Variants in ARPP21 observed in about 807,000 individuals in gnomAD.
The protein encoded by ARPP21 is cAMP regulated phosphoprotein 21, also known as cAMP-regulated phosphoprotein 21.
ARPP21 carries 69 observed loss-of-function variants against 113.2 expected under a neutral mutation model. That is an observed-to-expected ratio of 0.61 (90% CI 0.50 to 0.74). ARPP21 has a LOEUF of 0.74. Among genes scored for constraint, ARPP21 ranks in the 30% least tolerant of loss-of-function variants. The probability of loss-of-function intolerance (pLI) is 0.00; values close to 1 mark genes in which losing one functional copy is unlikely to be tolerated. For missense variants in ARPP21, 1,070 were observed against 1,037.4 expected (o/e 1.03, Z -0.43); for synonymous variants, 368 against 375.5 (o/e 0.98, Z 0.23).
chr3:35,772,276 A>T (rs375571232), intron 19 of ARPP21, among the ~76,000 whole-genome samples: 3 of 152,228 alleles, frequency 2.0e-5, no homozygotes, highest in East Asian at 1.9e-4. Flanking sequence ...AGCTGAAAAA[A>T]ATTGTGTCAT....
chr3:35,764,744 A>G (rs1406967336), intron 19 of ARPP21, among the ~76,000 whole-genome samples: 4 of 152,164 alleles, frequency 2.6e-5, no homozygotes, highest in African/African-American at 7.2e-5. Flanking sequence ...GCATATATGT[A>G]TACATTTTGT....
intron 5 of ARPP21, chr3:35,684,813 G>A (rs1232600480): frequency 1.6e-5 from 16 of 983,118 alleles, no homozygotes; most frequent in Non-Finnish European, 1.9e-5. Flanking sequence ...TTTTTTTCTA[G>A]CATCATTTTC....
At position 35,748,067 on chromosome 3, in the gene ARPP21, G is replaced by GA. The variant is rs2095201528; in HGVS notation, c.2137+4104dup. Among the ~76,000 whole-genome samples, 8 of 86,958 alleles carry GA rather than the reference G, an allele frequency of 9.2e-5. No individual in the cohort carries two copies. In the East Asian group the frequency reaches 2.2e-3, roughly 24 times the overall value. 57.0% of individuals were successfully genotyped at this position (86,958 alleles called of 152,430 possible). On this transcript the variant is annotated intron_variant, in intron 19 of 20. Transcript: ENST00000684406. ...GAGAGAAAGAAAAGGAAGAAGGAAG[G>GA]AAGAAAGAAAGAAAGAAAGAAAGAA...
intron 14 of ARPP21, among the ~76,000 whole-genome samples, chr3:35,722,130 T>G (rs995962670): frequency 6.6e-6 from 1 of 152,218 alleles, no homozygotes; most frequent in African/African-American, 2.4e-5. Context: ...TTTAAGCACT[T>G]AAGTTTACTT....
intron 1 of ARPP21, among the ~76,000 whole-genome samples, chr3:35,668,185 G>A (rs1382801926): frequency 6.6e-6 from 1 of 152,086 alleles, no homozygotes; most frequent in Non-Finnish European, 1.5e-5. Context: ...TGGGGGAAGA[G>A]TATTCCTAAA....
chr3:35,669,988 G>A (rs1022784979), intron 1 of ARPP21, among the ~76,000 whole-genome samples: 1 of 152,086 alleles, frequency 6.6e-6, no homozygotes, highest in Admixed American at 6.6e-5. Flanking sequence ...CATCATCTGA[G>A]TTCAGATTGA....
intron 1 of ARPP21, among the ~76,000 whole-genome samples, chr3:35,646,394 A>G (rs1700230786): frequency 6.6e-6 from 1 of 152,118 alleles, no homozygotes; most frequent in Admixed American, 6.5e-5. Context: ...TGGAAATCCC[A>G]GCGTTGCTAG....
chr3:35,681,203 C>A (rs2078808500), intron 2 of ARPP21: 2 of 151,858 alleles, frequency 1.3e-5, no homozygotes, highest in Non-Finnish European at 2.9e-5. Context: ...CATATTTATG[C>A]TGAATTATTA....
intron 9 of ARPP21, among the ~76,000 whole-genome samples, chr3:35,694,019 T>C (rs1456064035): frequency 6.6e-6 from 1 of 151,618 alleles, no homozygotes; most frequent in Non-Finnish European, 1.5e-5. Context: ...ATTGTTCTTC[T>C]TCAGTGACAC....
intron 5 of ARPP21, chr3:35,685,618 C>A: frequency 1.0e-6 from 1 of 985,218 alleles, no homozygotes. Context: ...GGAAAACTGC[C>A]TTCATTTTCC....
intron 1 of ARPP21, among the ~76,000 whole-genome samples, chr3:35,642,706 G>A (rs1006156291): frequency 7.9e-5 from 12 of 152,096 alleles, no homozygotes; most frequent in South Asian, 2.1e-4. Context: ...GAAAGGTTTG[G>A]AGCTTGTAAA....
intron 1 of ARPP21, among the ~76,000 whole-genome samples, chr3:35,643,091 G>A (rs1305487895): frequency 6.6e-6 from 1 of 152,046 alleles, no homozygotes; most frequent in Non-Finnish European, 1.5e-5. Flanking sequence ...TCTTGAGGTA[G>A]AAAGTGAGAA....
At chr3:35,793,560 A>T (rs1248372007) in intron 20 of ARPP21, 141 bp from the exon 21 acceptor site, 8 of 644,436 alleles carry the variant, frequency 1.2e-5, no homozygotes, top group Admixed American at 2.6e-5. Context: ...AATGTGAAAC[A>T]GCCGATAAAT....
In ARPP21 at chr3:35,679,966, G is replaced by T. The variant is rs915054002; in HGVS notation, c.-39+6G>T. 2.0e-5 allele frequency: 3 copies of T among 152,150 alleles called. No homozygotes were observed. The highest frequency in any genetic ancestry group is 7.3e-5 in the African/African-American group (3 of 41,378). The allele number at this position is 152,150 out of a possible 1,614,324, so 9.4% of individuals were successfully genotyped here. On this transcript the variant is annotated splice_donor_region_variant and intron_variant, in intron 2 of 20. Coordinates refer to ENST00000684406, the MANE Select transcript of ARPP21 (RefSeq NM_001385562.1). ...GCAGGAATTCTGCACCAAAGGTAAA[G>T]GTCTTGTTGTCTGGCTGTCATCTCA...
At chr3:35,673,774 C>G (rs2076894083) in intron 1 of ARPP21, among the ~76,000 whole-genome samples, 1 of 151,940 alleles carries the variant, frequency 6.6e-6, no homozygotes, top group Non-Finnish European at 1.5e-5. Flanking sequence ...ATTTTGGCAC[C>G]TCTAACTGCA....
At chr3:35,733,524 C>T (rs531785682) in intron 15 of ARPP21, among the ~76,000 whole-genome samples, 10 of 152,328 alleles carry the variant, frequency 6.6e-5, no homozygotes, top group Admixed American at 1.3e-4. Flanking sequence ...GCTAACTAGG[C>T]CGAGGGCCAG....
chr3:35,735,514 A>T (rs1249060943), intron 15 of ARPP21, among the ~76,000 whole-genome samples: 1 of 152,222 alleles, frequency 6.6e-6, no homozygotes, highest in African/African-American at 2.4e-5. Flanking sequence ...TTCCTCTGCC[A>T]TCACACGCTT....
upstream of ARPP21, chr3:35,638,890 G>A (rs943789087): frequency 6.6e-6 from 1 of 152,470 alleles, no homozygotes; most frequent in African/African-American, 2.4e-5. Flanking sequence ...AGAGCGCTGA[G>A]GCTACGGATT....
intron 9 of ARPP21, among the ~76,000 whole-genome samples, chr3:35,693,271 G>A (rs992491520): frequency 2.0e-5 from 3 of 151,594 alleles, no homozygotes; most frequent in African/African-American, 7.3e-5. Context: ...GCAAATGACT[G>A]TATGTCATGG....
Sources: allele counts gnomAD v4.1 joint callset (sites outside exome capture counted in the v4.1 genomes callset), GRCh38; gene constraint gnomAD v4.1.1; transcripts MANE v1.5; gene names NCBI Gene and HGNC (gene_info 2026-07-23, HGNC 2026-07-21).